Variants in NBAS observed in about 807,000 individuals in gnomAD.
The protein encoded by NBAS is NAG/BC035112 fusion.
NBAS carries 219 observed loss-of-function variants against 302.5 expected under a neutral mutation model. The observed-to-expected ratio is 0.72, with a 90% CI of 0.65 to 0.81. The LOEUF (loss-of-function observed/expected upper bound fraction) is 0.81. Among genes scored for constraint, NBAS ranks in the 30% least tolerant of loss-of-function variants. NBAS has a pLI of 0.00. For synonymous variants in NBAS, 1,118 were observed against 1,021.6 expected (o/e 1.09, Z -1.80); for missense variants, 2,932 against 2,841.6 (o/e 1.03, Z -0.72).
At chr2:14,947,346 G>A in the NBAS span, among the ~76,000 whole-genome samples, 1 of 151,970 alleles carries the variant, frequency 6.6e-6, no homozygotes, top group Admixed American at 6.6e-5. Flanking sequence ...TAACATTTGA[G>A]AACAAAGAAA....
At chr2:15,188,277 T>C (rs1665180592) in intron 49 of NBAS, among the ~76,000 whole-genome samples, 1 of 152,252 alleles carries the variant, frequency 6.6e-6, no homozygotes, top group African/African-American at 2.4e-5. Flanking sequence ...TATAGTCATG[T>C]GGATCAAACA....
the NBAS span, among the ~76,000 whole-genome samples, chr2:14,814,816 T>C: frequency 6.6e-6 from 1 of 151,478 alleles, no homozygotes; most frequent in East Asian, 1.9e-4. Context: ...TGGCTCTGTG[T>C]CCCCCCCCAA....
intron 48 of NBAS, among the ~76,000 whole-genome samples, chr2:15,211,224 T>A (rs993344480): frequency 1.4e-4 from 21 of 152,212 alleles, no homozygotes; most frequent in African/African-American, 5.1e-4. Flanking sequence ...TATCAAGATA[T>A]CTCATGTAAC....
chr2:15,426,695 A>G (rs573323313), intron 22 of NBAS, among the ~76,000 whole-genome samples: 6 of 152,322 alleles, frequency 3.9e-5, no homozygotes, highest in African/African-American at 9.6e-5. Flanking sequence ...GATAATTTTT[A>G]AAGTTTTCGT....
intron 11 of NBAS, among the ~76,000 whole-genome samples, chr2:15,493,289 A>G (rs958119494): frequency 3.3e-5 from 5 of 152,310 alleles, no homozygotes; most frequent in African/African-American, 1.2e-4. Context: ...CAGTGTGAAA[A>G]TTGACTAATA....
At chr2:15,177,009 T>C (rs1182349002) in intron 51 of NBAS, among the ~76,000 whole-genome samples, 1 of 152,246 alleles carries the variant, frequency 6.6e-6, no homozygotes, top group Non-Finnish European at 1.5e-5. Context: ...TGGGCTAGCC[T>C]AATGTGAGCA....
intron 9 of NBAS, among the ~76,000 whole-genome samples, chr2:15,521,887 C>T (rs1384073733): frequency 6.6e-6 from 1 of 152,200 alleles, no homozygotes; most frequent in Non-Finnish European, 1.5e-5. Context: ...TGCTTTCACA[C>T]TACAAGAGGA....
At chr2:14,803,522 A>G in the NBAS span, among the ~76,000 whole-genome samples, 2 of 152,216 alleles carry the variant, frequency 1.3e-5, no homozygotes, top group African/African-American at 4.8e-5. Context: ...CCCAGGTAGT[A>G]AGCTGAGATA....
the NBAS span, among the ~76,000 whole-genome samples, chr2:14,892,670 C>CT: frequency 0.021 from 3,114 of 147,782 alleles, 60 homozygotes; most frequent in African/African-American, 0.054. Flanking sequence ...TCAATATGCT[C>CT]TTTTTTTTTT....
chr2:15,252,811 G>A (rs1220454172), intron 44 of NBAS, among the ~76,000 whole-genome samples: 1 of 152,064 alleles, frequency 6.6e-6, no homozygotes, highest in East Asian at 1.9e-4. Context: ...TTGGCACAGA[G>A]GATACAAAGG....
the NBAS span, among the ~76,000 whole-genome samples, chr2:14,914,922 G>C: frequency 6.6e-6 from 1 of 152,184 alleles, no homozygotes; most frequent in Non-Finnish European, 1.5e-5. Flanking sequence ...TGGAAGTCAG[G>C]AAAGTTTCAC....
intron 48 of NBAS, among the ~76,000 whole-genome samples, chr2:15,199,953 G>A (rs1402402090): frequency 6.8e-6 from 1 of 147,114 alleles, no homozygotes; most frequent in African/African-American, 2.5e-5. Context: ...CCAGGCTGGA[G>A]TGCAGTGGCA....
intron 9 of NBAS, among the ~76,000 whole-genome samples, chr2:15,522,059 T>A (rs1421580208): frequency 6.6e-6 from 1 of 152,204 alleles, no homozygotes; most frequent in African/African-American, 2.4e-5. Context: ...ACAAAGGGCC[T>A]TTAATACTAA....
the NBAS span, among the ~76,000 whole-genome samples, chr2:14,894,367 T>C: frequency 6.6e-6 from 1 of 152,132 alleles, no homozygotes; most frequent in African/African-American, 2.4e-5. Flanking sequence ...CAAGAGGATG[T>C]TTTTAATAAC....
At chr2:14,824,099 T>A in the NBAS span, among the ~76,000 whole-genome samples, 82 of 152,256 alleles carry the variant, frequency 5.4e-4, no homozygotes, top group African/African-American at 1.9e-3. Flanking sequence ...CTCATTCCAC[T>A]CTCAGCAACT....
At position 15,554,229 on chromosome 2, in the gene NBAS, A is replaced by G. The variant is rs112000754; in HGVS notation, c.210-91T>C. 3.5e-3 allele frequency: 3,730 copies of G among 1,069,914 alleles called. 91 individuals are homozygous for G. In the African/African-American group the frequency reaches 0.043, roughly 12 times the overall value. The allele number at this position is 1,069,914 out of a possible 1,614,324, so 66.3% of individuals were successfully genotyped here. On this transcript the variant is annotated intron_variant, in intron 3 of 51. Transcript: ENST00000281513. The stretch of plus-strand genomic sequence containing the variant: ...AGCACATATACTTATAGAGAGAGAC[A>G]CAGATTTTTTTCCATTAGAATATAA...
At chr2:15,143,681 G>T in the NBAS span, among the ~76,000 whole-genome samples, 23 of 152,244 alleles carry the variant, frequency 1.5e-4, no homozygotes, top group East Asian at 3.3e-3. Context: ...AACTTGATTG[G>T]ATTGAAAGAT....
At chr2:14,785,781 CT>C in the NBAS span, among the ~76,000 whole-genome samples, 6 of 152,024 alleles carry the variant, frequency 3.9e-5, no homozygotes, top group South Asian at 2.1e-4. Flanking sequence ...CTAAAATTCT[CT>C]TTTTTTGGTT....
intron 47 of NBAS, among the ~76,000 whole-genome samples, chr2:15,227,820 A>G (rs542115608): frequency 2.0e-5 from 3 of 152,326 alleles, no homozygotes; most frequent in Non-Finnish European, 2.9e-5. Flanking sequence ...CTCTCACCAT[A>G]TATTACAAAT....
Sources: allele counts gnomAD v4.1 joint callset (sites outside exome capture counted in the v4.1 genomes callset), GRCh38; gene constraint gnomAD v4.1.1; transcripts MANE v1.5; gene names NCBI Gene and HGNC (gene_info 2026-07-23, HGNC 2026-07-21).